Variants in VAV2 observed in about 807,000 individuals in gnomAD.
VAV2 encodes the protein guanine nucleotide exchange factor VAV2.
In VAV2, 67 loss-of-function variants were observed where a neutral mutation model predicts 132.5. That is an observed-to-expected ratio of 0.51 (90% CI 0.42 to 0.62). The LOEUF (loss-of-function observed/expected upper bound fraction) is 0.62, where lower values mean the gene tolerates loss of function less well. Ranked by LOEUF, VAV2 falls within the 20% of genes least tolerant of loss-of-function variation. VAV2 has a pLI of 0.00. For missense variants in VAV2, 938 were observed against 1,153.6 expected (o/e 0.81, Z 2.71); for synonymous variants, 492 against 443.5 (o/e 1.11, Z -1.37).
chr9:133,936,242 C>CTTT (rs35091336), intron 2 of VAV2, among the ~76,000 whole-genome samples: 14 of 134,864 alleles, frequency 1.0e-4, no homozygotes, highest in African/African-American at 3.9e-4. Flanking sequence ...GCCATTGCGT[C>CTTT]TTTTTTTTTT....
chr9:133,905,511 C>T (rs1220160133), intron 2 of VAV2, among the ~76,000 whole-genome samples: 2 of 152,052 alleles, frequency 1.3e-5, no homozygotes, highest in Non-Finnish European at 2.9e-5. Context: ...GGACATGATG[C>T]CATCCTGAGC....
At chr9:133,972,895 G>A (rs1842386486) in intron 1 of VAV2, among the ~76,000 whole-genome samples, 1 of 152,196 alleles carries the variant, frequency 6.6e-6, no homozygotes, top group African/African-American at 2.4e-5. Flanking sequence ...CCTGAGTTAG[G>A]CACTGGCTAC....
intron 12 of VAV2, among the ~76,000 whole-genome samples, chr9:133,793,446 C>T (rs1834581032): frequency 6.6e-6 from 1 of 151,858 alleles, no homozygotes; most frequent in Non-Finnish European, 1.5e-5. Flanking sequence ...GGGGAGGCTG[C>T]AGCACGCTGT....
chr9:133,952,419 T>A (rs976411559), intron 1 of VAV2, among the ~76,000 whole-genome samples: 2 of 152,048 alleles, frequency 1.3e-5, no homozygotes, highest in Non-Finnish European at 2.9e-5. Flanking sequence ...CTGGCCAACG[T>A]GGTGAAACCC....
At chr9:133,870,071 C>T (rs150784281) in intron 2 of VAV2, among the ~76,000 whole-genome samples, 4 of 152,144 alleles carry the variant, frequency 2.6e-5, no homozygotes, top group African/African-American at 9.6e-5. Context: ...TTCAGAATGA[C>T]AAGCGACCAT....
intron 2 of VAV2, among the ~76,000 whole-genome samples, chr9:133,897,111 G>A (rs377669473): frequency 3.3e-5 from 5 of 152,096 alleles, no homozygotes; most frequent in Admixed American, 1.3e-4. Flanking sequence ...AATCCCAACC[G>A]AAACAGATGT....
intron 2 of VAV2, among the ~76,000 whole-genome samples, chr9:133,887,159 T>A (rs1838745416): frequency 6.6e-6 from 1 of 152,308 alleles, no homozygotes; most frequent in East Asian, 1.9e-4. Flanking sequence ...AGGGGCCATC[T>A]GCTGGGCCCA....
Position 133,857,655 on chromosome 9 carries a change from C to A in VAV2, c.380+3719G>T, listed in dbSNP as rs1347065831. Reference sequence around the variant, plus strand: ...CTTGTGAAGTGCTGGTGGCTGCCCCCAGAAGGTTCAATTCCCCATGGAAAT... The same window carrying A: ...CTTGTGAAGTGCTGGTGGCTGCCCCAAGAAGGTTCAATTCCCCATGGAAAT... On this transcript the variant is annotated intron_variant, in intron 3 of 29. Coordinates refer to ENST00000371850, the MANE Select transcript of VAV2 (RefSeq NM_001134398.2). This position sits in a 1 kb window ranked among gnomAD's most constrained non-coding sequence, Gnocchi z 4.0. 6.6e-6 allele frequency among the ~76,000 whole-genome samples: 1 copy of A among 152,182 alleles called. No individual in the cohort carries two copies. Among genetic ancestry groups the A allele is most frequent in the African/African-American group, 2.4e-5 (1 of 41,432 alleles).
In VAV2 at chr9:133,932,101, G is replaced by A. The variant is rs754043178; in HGVS notation, c.321+7002C>T. On this transcript the variant is annotated intron_variant, in intron 2 of 29. Coordinates refer to ENST00000371850, the MANE Select transcript of VAV2 (RefSeq NM_001134398.2). Reference sequence around the variant, plus strand: ...CTCAGAAGCAAGCCACAGAAACCCCGCAGCCTCACCAGAATCCTCCCTCCA... The same window carrying A: ...CTCAGAAGCAAGCCACAGAAACCCCACAGCCTCACCAGAATCCTCCCTCCA... Among the ~76,000 whole-genome samples the A allele has an allele frequency of 9.9e-5, 15 of 152,272 alleles. No individual in the cohort carries two copies. The South Asian group carries it at 2.1e-3, about 21-fold the overall frequency.
chr9:133,901,874 C>T (rs1429066512), intron 2 of VAV2, among the ~76,000 whole-genome samples: 1 of 152,228 alleles, frequency 6.6e-6, no homozygotes, highest in Non-Finnish European at 1.5e-5. Context: ...CCACCACCAT[C>T]GGAGGGGGCT....
chr9:133,846,718 C>G (rs1277147078), intron 3 of VAV2, among the ~76,000 whole-genome samples: 1 of 152,236 alleles, frequency 6.6e-6, no homozygotes, highest in African/African-American at 2.4e-5. Context: ...CTGAGGGTTC[C>G]CACCTCACCC....
intron 12 of VAV2, among the ~76,000 whole-genome samples, chr9:133,795,064 G>A (rs1375429149): frequency 1.3e-5 from 2 of 152,236 alleles, no homozygotes; most frequent in African/African-American, 4.8e-5. Flanking sequence ...CTGGAACTGT[G>A]CTGAACACAG....
chr9:133,855,261 G>A (rs759088949), intron 3 of VAV2, among the ~76,000 whole-genome samples: 3 of 152,360 alleles, frequency 2.0e-5, no homozygotes, highest in South Asian at 2.1e-4. Flanking sequence ...TAGCACATTC[G>A]TTCACGGAGG....
At chr9:133,818,762 G>A (rs1372705939) in intron 4 of VAV2, among the ~76,000 whole-genome samples, 1 of 152,164 alleles carries the variant, frequency 6.6e-6, no homozygotes, top group African/African-American at 2.4e-5. Context: ...TCTGAGGGTT[G>A]GCTTCTATTG....
rs543316865 is a variant in VAV2, at chr9:133,911,065, C to T, written c.321+28038G>A. Among the ~76,000 whole-genome samples the T allele has an allele frequency of 7.2e-5, 11 of 152,252 alleles. No individual in the cohort carries two copies. The East Asian group carries it at 2.1e-3, about 29-fold the overall frequency. ...GCTCCTGGCCAGGCTACATGGGCTG[C>T]AGGAAGCAGGGCCGGGCACGCCCCT... is the stretch of plus-strand genomic sequence containing the variant. On this transcript the variant is annotated intron_variant, in intron 2 of 29. Coordinates refer to ENST00000371850, the MANE Select transcript of VAV2 (RefSeq NM_001134398.2).
At chr9:133,987,372 G>A (rs796381946) in intron 1 of VAV2, among the ~76,000 whole-genome samples, 7 of 152,366 alleles carry the variant, frequency 4.6e-5, no homozygotes, top group African/African-American at 1.7e-4. Context: ...TGAAACCCAA[G>A]GAGGCTGCCA....
In VAV2 at chr9:133,919,905, C is replaced by T. The variant is rs1375097702; in HGVS notation, c.321+19198G>A. On this transcript the variant is annotated intron_variant, in intron 2 of 29. Transcript: ENST00000371850. The surrounding 1 kb of genome is among the most constrained non-coding windows in gnomAD (Gnocchi z 5.8). ...CCCAGAGTCAGTTCTGCTGGACATA[C>T]AGCGGCGGACCCAAGGCTGCTTTCC... Among the ~76,000 whole-genome samples the T allele has an allele frequency of 6.6e-5, 10 of 152,198 alleles. No individual in the cohort carries two copies. The highest frequency in any genetic ancestry group is 1.0e-4 in the Non-Finnish European group (7 of 68,038).
chr9:133,801,274 C>T (rs997738324), intron 9 of VAV2, among the ~76,000 whole-genome samples: 8 of 152,230 alleles, frequency 5.3e-5, no homozygotes, highest in African/African-American at 1.9e-4. Context: ...CTGAAAGGGC[C>T]CTGGCCGTGG....
chr9:133,822,219 C>T (rs1460806362), intron 4 of VAV2, among the ~76,000 whole-genome samples: 1 of 152,222 alleles, frequency 6.6e-6, no homozygotes, highest in Non-Finnish European at 1.5e-5. Flanking sequence ...TGTGTGTTTA[C>T]GGCGGACATA....
Sources: allele counts gnomAD v4.1 joint callset (sites outside exome capture counted in the v4.1 genomes callset), GRCh38; gene constraint gnomAD v4.1.1; non-coding constraint Gnocchi (gnomAD v3.1); transcripts MANE v1.5; gene names NCBI Gene and HGNC (gene_info 2026-07-23, HGNC 2026-07-21).